Variants in DNAJB12 observed in about 807,000 individuals in gnomAD.
DNAJB12 encodes the protein DnaJ heat shock protein family (Hsp40) member B12, also known as dnaJ homolog subfamily B member 12.
DNAJB12 carries 14 observed loss-of-function variants against 40.6 expected under a neutral mutation model. The ratio of observed to expected loss-of-function variants is 0.34; its 90% CI spans 0.23 to 0.54. The LOEUF is 0.54. DNAJB12 is among the 20% of genes least tolerant of loss of function. DNAJB12 has a pLI of 0.92. For missense variants in DNAJB12, 444 were observed against 501.7 expected (o/e 0.89, Z 1.10); for synonymous variants, 181 against 199.5 (o/e 0.91, Z 0.78).
chr10:72,336,514 CCA>C lies in DNAJB12; in HGVS notation c.1006+8_1006+9del, dbSNP rs749743411. ...CCCAAATACAGCCCCCGCCTTCCCC[CCA>C]CACTCACTCTGCTGCTTCTCCTTCC... is the stretch of plus-strand genomic sequence containing the variant. On this transcript the variant is annotated splice_region_variant and intron_variant, in intron 7 of 8. Coordinates refer to ENST00000444643, the MANE Select transcript of DNAJB12 (RefSeq NM_017626.7). 1 of 1,612,636 alleles carries C rather than the reference CCA, an allele frequency of 6.2e-7. No individual in the cohort carries two copies. The highest frequency in any genetic ancestry group is 2.2e-5 in the East Asian group (1 of 44,876).
At position 72,334,485 on chromosome 10, in the gene DNAJB12, G is replaced by C; in HGVS notation, c.*163C>G. The C allele has an allele frequency of 1.5e-6, 2 of 1,354,540 alleles. No individual in the cohort carries two copies. The highest frequency in any genetic ancestry group is 2.0e-6 in the Non-Finnish European group (2 of 982,462). The allele number at this position is 1,354,540 out of a possible 1,614,324, so 83.9% of individuals were successfully genotyped here. A position where few individuals can be genotyped will look rare whatever the true frequency, so the allele number is the denominator to read the frequency against. Reference sequence around the variant, plus strand: ...AGCTTTCTGCATTTACTGGGTGAGAGAGAGGGCAGCTGTGCAGCGTTCGGC... The same window carrying C: ...AGCTTTCTGCATTTACTGGGTGAGACAGAGGGCAGCTGTGCAGCGTTCGGC... On this transcript the variant is annotated 3_prime_UTR_variant, in exon 9 of 9. Transcript: ENST00000444643.
intron 4 of DNAJB12, 45 bp downstream of exon 4, chr10:72,340,940 C>A (rs765471839): frequency 1.9e-6 from 3 of 1,609,086 alleles, no homozygotes; most frequent in Non-Finnish European, 2.5e-6. Flanking sequence ...CCATTCCCAC[C>A]ATCACCCCAG....
chr10:72,345,431 G>A (rs988715457), intron 1 of DNAJB12, among the ~76,000 whole-genome samples: 2 of 150,924 alleles, frequency 1.3e-5, no homozygotes, highest in African/African-American at 2.4e-5. Flanking sequence ...GTGAAATCCC[G>A]TCTGTACTAA....
At chr10:72,340,749 G>A in intron 5 of DNAJB12, 40 bp downstream of exon 5, 1 of 1,600,388 alleles carries the variant, frequency 6.2e-7, no homozygotes, top group Non-Finnish European at 8.5e-7. Flanking sequence ...GGTGGATTTG[G>A]TGCCCTTCCC....
intron 5 of DNAJB12, 50 bp from the exon 6 acceptor site, chr10:72,338,361 G>T: frequency 6.5e-7 from 1 of 1,528,912 alleles, no homozygotes; most frequent in South Asian, 1.1e-5. Flanking sequence ...GGGGTGTGGT[G>T]TCAGCCATAA....
intron 1 of DNAJB12, 139 bp downstream of exon 1, chr10:72,354,626 C>T (rs537197170): frequency 9.8e-5 from 76 of 772,678 alleles, no homozygotes; most frequent in Middle Eastern, 3.9e-4. Context: ...CGCCTCCCAG[C>T]AGCCACCGCG....
Position 72,335,919 on chromosome 10 carries a change from A to T in DNAJB12, c.1019T>A (p.Leu340Gln). The T allele has an allele frequency of 1.2e-6, 2 of 1,614,150 alleles. No homozygotes were observed. Among genetic ancestry groups the T allele is most frequent in the Non-Finnish European group, 8.5e-7 (1 of 1,179,984 alleles). The change falls in exon 8 of 9, where the codon CTG (leucine) becomes CAG (glutamine). Residue 340 changes from leucine to glutamine, a missense_variant. By Grantham distance (113) the Leu-to-Gln change is moderately radical. Coordinates refer to ENST00000444643, the MANE Select transcript of DNAJB12 (RefSeq NM_017626.7). The surrounding 1 kb of genome is among the most constrained non-coding windows in gnomAD (Gnocchi z 4.4). Reference protein sequence around the residue: ...WKEKQQKEGLLYRARYFGDTD... With the variant: ...WKEKQQKEGLQYRARYFGDTD... ...GTCGCCAAAGTAGCGTGCCCGGTACAGCAAGCCTTCCTCTGCAAAGCAATG... is the reference window on the plus strand; with the variant it reads ...GTCGCCAAAGTAGCGTGCCCGGTACTGCAAGCCTTCCTCTGCAAAGCAATG...
Position 72,334,175 on chromosome 10 carries a change from C to T in DNAJB12, c.*473G>A, listed in dbSNP as rs975427387. 2.0e-5 allele frequency: 5 copies of T among 252,952 alleles called. No individual in the cohort carries two copies. The highest frequency in any genetic ancestry group is 9.4e-5 in the African/African-American group (4 of 42,500). 15.7% of individuals were successfully genotyped at this position (252,952 alleles called of 1,614,324 possible). ...ATATAAATAGATATATATACATATA[C>T]ACGCATCTATAAATTACATTCTATG... On this transcript the variant is annotated 3_prime_UTR_variant, in exon 9 of 9. Transcript: ENST00000444643.
intron 1 of DNAJB12, among the ~76,000 whole-genome samples, chr10:72,348,862 A>G (rs1376158076): frequency 6.6e-6 from 1 of 152,216 alleles, no homozygotes; most frequent in Non-Finnish European, 1.5e-5. Context: ...TAATTGTCAC[A>G]GCAGCCTTAG....
Position 72,334,397 on chromosome 10 carries a change from A to T in DNAJB12, c.*251T>A. 1.5e-6 allele frequency: 1 copy of T among 675,134 alleles called. No individual in the cohort carries two copies. Among genetic ancestry groups the T allele is most frequent in the Non-Finnish European group, 2.5e-6 (1 of 396,868 alleles). 41.8% of individuals were successfully genotyped at this position (675,134 alleles called of 1,614,324 possible). On this transcript the variant is annotated 3_prime_UTR_variant, in exon 9 of 9. Coordinates refer to ENST00000444643, the MANE Select transcript of DNAJB12 (RefSeq NM_017626.7). ...GTATCCTAGGAGAGAGGCGATGCGG[A>T]GCCTCCGCCAGCCCTGCGAGGGAGG...
chr10:72,335,786 C>G lies in DNAJB12; in HGVS notation c.*24G>C. On this transcript the variant is annotated 3_prime_UTR_variant, in exon 8 of 9. Transcript: ENST00000444643. The surrounding 1 kb of genome is among the most constrained non-coding windows in gnomAD (Gnocchi z 4.4). ...AGGCAGCCCTGGCTCATACTTGGAC[C>G]TCGGTGGTGTGGCTGGCCCAGGACT... The G allele has an allele frequency of 6.2e-7, 1 of 1,613,182 alleles. No individual in the cohort carries two copies. The highest frequency in any genetic ancestry group is 8.5e-7 in the Non-Finnish European group (1 of 1,179,448).
At chr10:72,343,266 C>T in intron 3 of DNAJB12, 100 bp downstream of exon 3, 1 of 1,469,668 alleles carries the variant, frequency 6.8e-7, no homozygotes, top group Middle Eastern at 2.4e-4. Flanking sequence ...GCCACTTCCT[C>T]CTGCTCCCTG....
At chr10:72,340,162 T>C (rs1443912078) in intron 5 of DNAJB12, among the ~76,000 whole-genome samples, 1 of 151,662 alleles carries the variant, frequency 6.6e-6, no homozygotes, top group East Asian at 2.0e-4. Context: ...CTGGCCAACA[T>C]GGTGAAACCC....
chr10:72,341,271 C>T (rs1861633019), intron 3 of DNAJB12, 101 bp from the exon 4 acceptor site: 2 of 1,176,156 alleles, frequency 1.7e-6, no homozygotes, highest in Admixed American at 4.6e-5. Context: ...TCAAGCAGTG[C>T]TTTAGGAAGC....
intron 6 of DNAJB12, 120 bp downstream of exon 6, chr10:72,338,082 C>T (rs753378087): frequency 2.2e-5 from 18 of 806,172 alleles, no homozygotes; most frequent in Non-Finnish European, 3.5e-5. Context: ...TGATTCGAAG[C>T]CAGGTTTCTG....
intron 6 of DNAJB12, among the ~76,000 whole-genome samples, 157 bp downstream of exon 6, chr10:72,338,045 T>C (rs9415067): frequency 5.9e-3 from 901 of 152,304 alleles, no homozygotes; most frequent in Non-Finnish European, 9.4e-3. Context: ...TTAAGAGTCC[T>C]AGTTGAATAG....
chr10:72,336,756 G>A (rs1861490138), intron 6 of DNAJB12, 60 bp from the exon 7 acceptor site: 1 of 1,497,418 alleles, frequency 6.7e-7, no homozygotes, highest in Admixed American at 1.7e-5. Flanking sequence ...GCACTCTAGG[G>A]GTATGGGCCC....
At chr10:72,350,950 C>A (rs548256974) in intron 1 of DNAJB12, among the ~76,000 whole-genome samples, 17 of 152,302 alleles carry the variant, frequency 1.1e-4, no homozygotes, top group Admixed American at 9.8e-4. Context: ...AATGCAGAAT[C>A]CCTCAGCAAT....
At position 72,340,872 on chromosome 10, in the gene DNAJB12, G is replaced by T. The variant is rs1317519211; in HGVS notation, c.644-4C>A. On this transcript the variant is annotated splice_region_variant and splice_polypyrimidine_tract_variant and intron_variant, in intron 4 of 8. Coordinates refer to ENST00000444643, the MANE Select transcript of DNAJB12 (RefSeq NM_017626.7). ...TTGCTGTAGACGTGGACGTTACCTGGGGGTCAGAGGGGCTGAGTCAGGAGC... is the reference window on the plus strand; with the variant it reads ...TTGCTGTAGACGTGGACGTTACCTGTGGGTCAGAGGGGCTGAGTCAGGAGC... The T allele has an allele frequency of 6.2e-7, 1 of 1,613,828 alleles. No homozygotes were observed. The highest frequency in any genetic ancestry group is 8.5e-7 in the Non-Finnish European group (1 of 1,179,862).
Sources: allele counts gnomAD v4.1 joint callset (sites outside exome capture counted in the v4.1 genomes callset), GRCh38; gene constraint gnomAD v4.1.1; non-coding constraint Gnocchi (gnomAD v3.1); transcripts MANE v1.5; gene names NCBI Gene and HGNC (gene_info 2026-07-23, HGNC 2026-07-21).